The following FER variants were observed in gnomAD, a reference collection of about 807,000 sequenced individuals.
FER encodes tyrosine-protein kinase Fer.
A neutral mutation model predicts 111.0 loss-of-function variants in FER; 63 were observed. The observed-to-expected ratio is 0.57, with a 90% CI of 0.46 to 0.70. The LOEUF (loss-of-function observed/expected upper bound fraction) is 0.70, where lower values mean the gene tolerates loss of function less well. Ranked by LOEUF, FER falls within the 30% of genes least tolerant of loss-of-function variation. The pLI is 0.00. For missense variants in FER, 914 were observed against 954.0 expected (o/e 0.96, Z 0.55); for synonymous variants, 327 against 313.9 (o/e 1.04, Z -0.44).
At chr5:108,880,374 C>A (rs1174792014) in intron 8 of FER, among the ~76,000 whole-genome samples, 1 of 152,096 alleles carries the variant, frequency 6.6e-6, no homozygotes, top group African/African-American at 2.4e-5. Flanking sequence ...TCTGTTTCCA[C>A]CAGACTTGGG....
intron 5 of FER, among the ~76,000 whole-genome samples, chr5:108,840,132 A>G (rs188552275): frequency 1.5e-3 from 221 of 152,332 alleles, no homozygotes; most frequent in Non-Finnish European, 2.5e-3. Context: ...TTCAGGCGTC[A>G]TATACTCTTG....
At chr5:108,945,759 C>G (rs936410117) in intron 10 of FER, among the ~76,000 whole-genome samples, 4 of 151,862 alleles carry the variant, frequency 2.6e-5, no homozygotes, top group Admixed American at 2.6e-4. Flanking sequence ...TAGTCCTATC[C>G]GAAATAGTCT....
intron 10 of FER, among the ~76,000 whole-genome samples, chr5:108,922,660 A>G (rs1753178420): frequency 6.6e-6 from 1 of 152,122 alleles, no homozygotes. Context: ...AATAAAATAT[A>G]GGAAAATATA....
Position 108,905,008 on chromosome 5 carries a change from T to C in FER, c.1236+7160T>C, listed in dbSNP as rs576060871. 1.5e-4 allele frequency among the ~76,000 whole-genome samples: 23 copies of C among 152,212 alleles called. No homozygotes were observed. In the South Asian group the frequency reaches 4.8e-3, roughly 32 times the overall value. ...ATTTGATATATAAATTTCTAACTTA[T>C]AAAACAGGTAAGCTAGGAGGTGATT... On this transcript the variant is annotated intron_variant, in intron 10 of 19. Coordinates refer to ENST00000281092, the MANE Select transcript of FER (RefSeq NM_005246.4).
chr5:109,145,654 T>C (rs144571835), intron 17 of FER, among the ~76,000 whole-genome samples: 1 of 152,156 alleles, frequency 6.6e-6, no homozygotes, highest in East Asian at 1.9e-4. Flanking sequence ...TAAAGAAATG[T>C]TTTTTAAAAA....
At chr5:108,929,463 C>A (rs142295226) in intron 10 of FER, among the ~76,000 whole-genome samples, 1 of 152,256 alleles carries the variant, frequency 6.6e-6, no homozygotes, top group African/African-American at 2.4e-5. Context: ...TTACTAGAAT[C>A]ACAGAAATCC....
Position 109,123,358 on chromosome 5 carries a change from G to A in FER, c.2048+22839G>A, listed in dbSNP as rs545978265. 8.6e-5 allele frequency among the ~76,000 whole-genome samples: 13 copies of A among 151,728 alleles called. No individual in the cohort carries two copies. The South Asian group carries it at 1.5e-3, about 17-fold the overall frequency. ...TTTTTATTAGAGACAGGGTTTCACC[G>A]TGTTAGCCGGGATGGTCTCGATCTC... On this transcript the variant is annotated intron_variant, in intron 17 of 19. Coordinates refer to ENST00000281092, the MANE Select transcript of FER (RefSeq NM_005246.4).
chr5:109,043,807 C>T (rs2041923547), intron 14 of FER, among the ~76,000 whole-genome samples: 1 of 151,990 alleles, frequency 6.6e-6, no homozygotes, highest in South Asian at 2.1e-4. Flanking sequence ...CCCATCTCTA[C>T]TAAAAATACA....
intron 13 of FER, among the ~76,000 whole-genome samples, chr5:108,991,380 G>A (rs901097781): frequency 2.0e-5 from 3 of 151,930 alleles, no homozygotes; most frequent in African/African-American, 7.2e-5. Flanking sequence ...ACAATGAAGT[G>A]TCACGGCCCC....
chr5:108,782,959 T>G (rs773708775), intron 2 of FER, among the ~76,000 whole-genome samples: 2 of 152,236 alleles, frequency 1.3e-5, no homozygotes, highest in Non-Finnish European at 2.9e-5. Context: ...CTCTGTTCTG[T>G]TTCATTGATC....
intron 12 of FER, among the ~76,000 whole-genome samples, chr5:108,958,512 A>C (rs747617311): frequency 3.3e-5 from 5 of 151,802 alleles, no homozygotes; most frequent in Non-Finnish European, 5.9e-5. Context: ...AATTTGAAAT[A>C]TGAAAACAAG....
At chr5:108,796,050 C>G (rs73780573) in intron 2 of FER, among the ~76,000 whole-genome samples, 2,582 of 152,240 alleles carry the variant, frequency 0.017, 79 homozygotes, top group African/African-American at 0.059. Flanking sequence ...ATACAAGGTA[C>G]TTGGGTGCTG....
chr5:108,784,610 T>A (rs1231981088), intron 2 of FER: 1 of 152,204 alleles, frequency 6.6e-6, no homozygotes, highest in Non-Finnish European at 1.5e-5. Flanking sequence ...TCTCACAGGC[T>A]TCAGAGCTGA....
At chr5:109,170,871 G>T (rs753989681) in intron 17 of FER, among the ~76,000 whole-genome samples, 3 of 152,164 alleles carry the variant, frequency 2.0e-5, no homozygotes, top group Non-Finnish European at 4.4e-5. Flanking sequence ...TGTGAGGCTA[G>T]ATTCATCTGG....
intron 16 of FER, chr5:109,051,534 G>A (rs1041155174): frequency 1.9e-6 from 3 of 1,611,732 alleles, no homozygotes; most frequent in Non-Finnish European, 1.7e-6. Flanking sequence ...AATTAGCCCA[G>A]TTTTGCTCAC....
At chr5:109,116,888 G>A (rs552133771) in intron 17 of FER, among the ~76,000 whole-genome samples, 7 of 152,194 alleles carry the variant, frequency 4.6e-5, no homozygotes, top group South Asian at 2.1e-4. Flanking sequence ...TAATAAATAC[G>A]TATTTTTGTG....
chr5:108,973,369 A>C (rs1378765983), intron 13 of FER, among the ~76,000 whole-genome samples: 1 of 152,180 alleles, frequency 6.6e-6, no homozygotes, highest in East Asian at 1.9e-4. Context: ...AATGACATCA[A>C]AATACTAGGA....
chr5:108,764,057 A>G (rs1398936915), intron 1 of FER, among the ~76,000 whole-genome samples: 1 of 152,192 alleles, frequency 6.6e-6, no homozygotes, highest in African/African-American at 2.4e-5. Context: ...GAGAAGGAAT[A>G]TGCTGATTTC....
intron 17 of FER, among the ~76,000 whole-genome samples, chr5:109,142,671 G>A (rs1753655644): frequency 6.6e-6 from 1 of 151,966 alleles, no homozygotes; most frequent in Non-Finnish European, 1.5e-5. Flanking sequence ...AACTCTGGAG[G>A]GAGATTTGGC....
Sources: allele counts gnomAD v4.1 joint callset (sites outside exome capture counted in the v4.1 genomes callset), GRCh38; gene constraint gnomAD v4.1.1; transcripts MANE v1.5; gene names NCBI Gene and HGNC (gene_info 2026-07-23, HGNC 2026-07-21).